The following SERGEF variants were observed in gnomAD, a reference collection of about 807,000 sequenced individuals.
SERGEF encodes the protein secretion-regulating guanine nucleotide exchange factor.
A neutral mutation model predicts 50.0 loss-of-function variants in SERGEF; 51 were observed. The observed-to-expected ratio is 1.02, with a 90% CI of 0.81 to 1.29. SERGEF has a LOEUF of 1.29. SERGEF is among the 50% of genes most tolerant of loss of function. The probability of loss-of-function intolerance (pLI) is 0.00; values close to 1 mark genes in which losing one functional copy is unlikely to be tolerated. For missense variants in SERGEF, 521 were observed against 557.0 expected (o/e 0.94, Z 0.65); for synonymous variants, 205 against 212.4 (o/e 0.97, Z 0.30).
At chr11:17,867,411 A>G (rs1851050097) in intron 10 of SERGEF, among the ~76,000 whole-genome samples, 1 of 152,266 alleles carries the variant, frequency 6.6e-6, no homozygotes, top group Non-Finnish European at 1.5e-5. Flanking sequence ...TCTCACAGCC[A>G]GGTCATGCTG....
At chr11:17,811,234 A>C (rs547909952) in intron 10 of SERGEF, among the ~76,000 whole-genome samples, 1 of 152,362 alleles carries the variant, frequency 6.6e-6, no homozygotes, top group East Asian at 1.9e-4. Flanking sequence ...TTAGGGTTAC[A>C]GCCAGGACAC....
intron 8 of SERGEF, among the ~76,000 whole-genome samples, chr11:17,980,846 A>G (rs984963906): frequency 2.6e-5 from 4 of 152,212 alleles, no homozygotes; most frequent in Non-Finnish European, 5.9e-5. Context: ...TACATCCATG[A>G]CTATTTCTTT....
intron 10 of SERGEF, among the ~76,000 whole-genome samples, chr11:17,875,166 A>C (rs1851218167): frequency 6.6e-6 from 1 of 152,220 alleles, no homozygotes; most frequent in African/African-American, 2.4e-5. Context: ...ACTACTACCC[A>C]TACTACTTCA....
At chr11:17,874,723 G>C (rs977323396) in intron 10 of SERGEF, among the ~76,000 whole-genome samples, 2 of 152,132 alleles carry the variant, frequency 1.3e-5, no homozygotes, top group African/African-American at 4.8e-5. Context: ...ACAAATCTGG[G>C]CTAGGACTGT....
At chr11:17,866,176 A>G (rs1358783086) in intron 10 of SERGEF, among the ~76,000 whole-genome samples, 1 of 152,216 alleles carries the variant, frequency 6.6e-6, no homozygotes, top group East Asian at 1.9e-4. Flanking sequence ...CTCCTTCTGA[A>G]TAGCACAAGC....
At chr11:17,899,801 A>T (rs536029590) in intron 9 of SERGEF, among the ~76,000 whole-genome samples, 5 of 152,074 alleles carry the variant, frequency 3.3e-5, no homozygotes, top group African/African-American at 9.6e-5. Flanking sequence ...AAAAAAAATT[A>T]AAAAATTAGC....
At chr11:17,941,392 T>C (rs926257883) in intron 9 of SERGEF, among the ~76,000 whole-genome samples, 1 of 152,226 alleles carries the variant, frequency 6.6e-6, no homozygotes, top group Non-Finnish European at 1.5e-5. Context: ...GTATCTGTCT[T>C]TTTGTGACTA....
intron 9 of SERGEF, among the ~76,000 whole-genome samples, chr11:17,933,715 C>CAA (rs5790009): frequency 2.2e-3 from 303 of 140,218 alleles, no homozygotes; most frequent in Middle Eastern, 3.7e-3. Flanking sequence ...TTAAATTAGG[C>CAA]AAAAAAAAAA....
chr11:17,893,143 G>A (rs1004512541), intron 9 of SERGEF, among the ~76,000 whole-genome samples: 6 of 152,176 alleles, frequency 3.9e-5, no homozygotes, highest in African/African-American at 1.4e-4. Flanking sequence ...CTGGATGCCA[G>A]GGAATGATTT....
At chr11:17,915,393 G>A (rs139365585) in intron 9 of SERGEF, among the ~76,000 whole-genome samples, 1 of 152,316 alleles carries the variant, frequency 6.6e-6, no homozygotes, top group African/African-American at 2.4e-5. Flanking sequence ...CCTTTTTAAA[G>A]AGAAAACTAT....
chr11:17,878,145 G>T, intron 10 of SERGEF, 63 bp downstream of exon 10: 1 of 1,261,442 alleles, frequency 7.9e-7, no homozygotes, highest in Non-Finnish European at 1.1e-6. Context: ...TTAACCAAAA[G>T]TCTTCTCCAA....
rs190338425 is a variant in SERGEF, at chr11:17,862,739, G to A, written c.1048+15469C>T. 5.3e-4 allele frequency among the ~76,000 whole-genome samples: 80 copies of A among 152,278 alleles called. No individual in the cohort carries two copies. In the East Asian group the frequency reaches 8.5e-3, roughly 16 times the overall value. On this transcript the variant is annotated intron_variant, in intron 10 of 10. Transcript: ENST00000265965. ...CTGTGAGTCTGAGTTTTGCAGATACGATGGTGCTGCCCAGGCTCAGGAAGC... is the reference window on the plus strand; with the variant it reads ...CTGTGAGTCTGAGTTTTGCAGATACAATGGTGCTGCCCAGGCTCAGGAAGC...
At chr11:17,893,664 G>A (rs186129055) in intron 9 of SERGEF, among the ~76,000 whole-genome samples, 104 of 152,262 alleles carry the variant, frequency 6.8e-4, no homozygotes, top group African/African-American at 2.3e-3. Flanking sequence ...TAGTATCCAC[G>A]TGCAGAAAGA....
chr11:17,990,071 C>T (rs927071842), intron 7 of SERGEF, among the ~76,000 whole-genome samples: 1 of 152,216 alleles, frequency 6.6e-6, no homozygotes, highest in Non-Finnish European at 1.5e-5. Context: ...GAAGCCAGGT[C>T]TTCTGCTTTC....
chr11:17,789,616 C>T (rs1415888382), intron 10 of SERGEF, among the ~76,000 whole-genome samples: 1 of 151,948 alleles, frequency 6.6e-6, no homozygotes, highest in Admixed American at 6.6e-5. Context: ...ATCTTCATGA[C>T]AAAAGAAAAG....
chr11:17,856,902 T>A (rs1439561071), intron 10 of SERGEF: 1 of 152,206 alleles, frequency 6.6e-6, no homozygotes, highest in East Asian at 1.9e-4. Context: ...TAAATCACAT[T>A]TGAGTTCATA....
intron 8 of SERGEF, among the ~76,000 whole-genome samples, chr11:17,982,411 A>G (rs963573509): frequency 6.6e-6 from 1 of 152,208 alleles, no homozygotes; most frequent in Non-Finnish European, 1.5e-5. Context: ...CATGACTTTA[A>G]TAAGAATAAA....
At chr11:17,959,367 G>A in intron 9 of SERGEF, 103 bp downstream of exon 9, 2 of 1,038,544 alleles carry the variant, frequency 1.9e-6, no homozygotes, top group Non-Finnish European at 2.8e-6. Context: ...ATTCCTACAT[G>A]GTACCTATCC....
chr11:17,980,656 G>A (rs534147034), intron 8 of SERGEF, among the ~76,000 whole-genome samples: 32 of 152,156 alleles, frequency 2.1e-4, no homozygotes, highest in African/African-American at 7.2e-4. Flanking sequence ...TACCACGAGC[G>A]TATTCCTGTC....
Sources: allele counts gnomAD v4.1 joint callset (sites outside exome capture counted in the v4.1 genomes callset), GRCh38; gene constraint gnomAD v4.1.1; transcripts MANE v1.5; gene names NCBI Gene and HGNC (gene_info 2026-07-23, HGNC 2026-07-21).